The following TSG101 variants were observed in gnomAD, a reference collection of about 807,000 sequenced individuals.
TSG101 encodes tumor susceptibility 101.
TSG101 carries 19 observed loss-of-function variants against 48.5 expected under a neutral mutation model. The ratio of observed to expected loss-of-function variants is 0.39; its 90% confidence interval spans 0.27 to 0.58. The LOEUF (loss-of-function observed/expected upper bound fraction) is 0.58. TSG101 is among the 20% of genes least tolerant of loss of function. TSG101 has a pLI of 0.55. For missense variants in TSG101, 365 were observed against 484.4 expected (o/e 0.75, Z 2.31); for synonymous variants, 174 against 169.4 (o/e 1.03, Z -0.21).
At chr11:18,515,985 T>C in intron 3 of TSG101, 114 bp downstream of exon 3, 1 of 843,484 alleles carries the variant, frequency 1.2e-6, no homozygotes, top group Non-Finnish European at 1.8e-6. Context: ...AGTTAAAATC[T>C]ATATCAGCAT....
Position 18,499,447 on chromosome 11 carries a change from A to G in TSG101, c.640+3039T>C, listed in dbSNP as rs556590825. ...TTTTCCTGAGATGGAGTCCCACTCT[A>G]TTGCCCAGGCTGGAGTATAGTTGTC... On this transcript the variant is annotated intron_variant, in intron 7 of 9. Coordinates refer to ENST00000251968, the MANE Select transcript of TSG101 (RefSeq NM_006292.4). Among the ~76,000 whole-genome samples the G allele has an allele frequency of 1.0e-3, 82 of 78,644 alleles. No homozygotes were observed. In the Middle Eastern group the frequency reaches 0.038, roughly 37 times the overall value. 51.6% of individuals were successfully genotyped at this position (78,644 alleles called of 152,430 possible).
intron 2 of TSG101, among the ~76,000 whole-genome samples, chr11:18,518,002 T>G (rs1486450451): frequency 6.6e-6 from 1 of 152,252 alleles, no homozygotes. Context: ...CAAGACTTTA[T>G]AATGGAGTCT....
intron 3 of TSG101, among the ~76,000 whole-genome samples, chr11:18,515,231 T>C (rs1292778742): frequency 6.6e-6 from 1 of 152,206 alleles, no homozygotes; most frequent in Non-Finnish European, 1.5e-5. Flanking sequence ...CAGAATAGTG[T>C]AAATATCTAT....
intron 1 of TSG101, among the ~76,000 whole-genome samples, chr11:18,523,362 T>C (rs2133935588): frequency 6.6e-6 from 1 of 152,348 alleles, no homozygotes; most frequent in South Asian, 2.1e-4. Context: ...AACGTACTTC[T>C]TGATGTATTT....
At position 18,499,304 on chromosome 11, in the gene TSG101, ATATT is replaced by A. The variant is rs530295255; in HGVS notation, c.640+3178_640+3181del. ...ATATATCATATATATTTATATTTAT[ATATT>A]TATTTATATATATTTATATATTTAT... On this transcript the variant is annotated intron_variant, in intron 7 of 9. Coordinates refer to ENST00000251968, the MANE Select transcript of TSG101 (RefSeq NM_006292.4). Among the ~76,000 whole-genome samples, 622 of 87,036 alleles carry A rather than the reference ATATT, an allele frequency of 7.1e-3. 4 individuals carry two copies. Among genetic ancestry groups the A allele is most frequent in the African/African-American group, 0.017 (487 of 28,582 alleles). The allele number at this position is 87,036 out of a possible 152,430, so 57.1% of individuals were successfully genotyped here.
intron 7 of TSG101, among the ~76,000 whole-genome samples, chr11:18,492,817 A>G (rs1293566426): frequency 6.6e-6 from 1 of 152,128 alleles, no homozygotes; most frequent in Non-Finnish European, 1.5e-5. Flanking sequence ...AAGTAAAAAA[A>G]GAAAAACCCA....
chr11:18,514,880 T>C (rs1462904025), intron 3 of TSG101, 39 bp from the exon 4 acceptor site: 1 of 1,500,174 alleles, frequency 6.7e-7, no homozygotes, highest in South Asian at 1.4e-5. Context: ...TCTATTTTTA[T>C]TATTTTTAAA....
chr11:18,516,221 T>A (rs1449932297), intron 2 of TSG101, 57 bp from the exon 3 acceptor site: 1 of 1,489,838 alleles, frequency 6.7e-7, no homozygotes. Flanking sequence ...CTCCCATAAG[T>A]TATTCTTTCA....
At chr11:18,506,569 A>C (rs374840188) in intron 6 of TSG101, among the ~76,000 whole-genome samples, 1 of 152,100 alleles carries the variant, frequency 6.6e-6, no homozygotes, top group East Asian at 1.9e-4. Context: ...CACAGCCTGT[A>C]GTCCCAACTG....
rs532218738 is a variant in TSG101, at chr11:18,509,702, T to G, written c.358-37A>C. 9 of 1,536,838 alleles carry G rather than the reference T, an allele frequency of 5.9e-6. No individual in the cohort carries two copies. The Admixed American group carries it at 7.8e-5, about 13-fold the overall frequency. On this transcript the variant is annotated intron_variant, in intron 4 of 9. Transcript: ENST00000251968. Reference sequence around the variant, plus strand: ...AAAAAAATTCAAGTCAGCTACAGAGTTGCTTTTCAGTAAAAAGAAAAAGGT... The same window carrying G: ...AAAAAAATTCAAGTCAGCTACAGAGGTGCTTTTCAGTAAAAAGAAAAAGGT...
At chr11:18,516,311 C>T (rs1229926097) in intron 2 of TSG101, 147 bp from the exon 3 acceptor site, 6 of 626,072 alleles carry the variant, frequency 9.6e-6, no homozygotes, top group Admixed American at 2.9e-5. Context: ...CAATAACTAA[C>T]AATTCTTTGT....
At chr11:18,482,972 G>A (rs565982025) in intron 8 of TSG101, among the ~76,000 whole-genome samples, 9 of 152,258 alleles carry the variant, frequency 5.9e-5, no homozygotes, top group African/African-American at 1.9e-4. Flanking sequence ...AGGTTTGGCT[G>A]TGTCCCCACC....
chr11:18,508,935 G>C (rs1850022748), intron 5 of TSG101: 1 of 151,736 alleles, frequency 6.6e-6, no homozygotes, highest in Non-Finnish European at 1.5e-5. Flanking sequence ...CAATTATTCA[G>C]AGTGATTTTT....
At chr11:18,510,296 C>T (rs1035861964) in intron 4 of TSG101, among the ~76,000 whole-genome samples, 2 of 152,022 alleles carry the variant, frequency 1.3e-5, no homozygotes, top group African/African-American at 4.8e-5. Context: ...TGATGTGCGT[C>T]TATGGTCCCA....
chr11:18,512,024 T>C (rs1302472355), intron 4 of TSG101, among the ~76,000 whole-genome samples: 1 of 152,186 alleles, frequency 6.6e-6, no homozygotes, highest in East Asian at 1.9e-4. Context: ...TATCATACCA[T>C]TCCTTTTACA....
chr11:18,481,712 T>G lies in TSG101; in HGVS notation c.1001A>C (p.Glu334Ala). The change falls in exon 9 of 10, where the codon GAA becomes GCA. Residue 334 changes from glutamate to alanine, a missense_variant. Coordinates refer to ENST00000251968, the MANE Select transcript of TSG101 (RefSeq NM_006292.4). Reference protein sequence around the residue: ...LYKQILNLYAEENAIEDTIFY... With the variant: ...LYKQILNLYAAENAIEDTIFY... The stretch of plus-strand genomic sequence containing the variant: ...GATAGTGTCTTCAATAGCGTTTTCT[T>G]CTGCATACAGATTCAGGATCTGTTT... The G allele has an allele frequency of 1.2e-6, 2 of 1,614,192 alleles. No individual in the cohort carries two copies. Among genetic ancestry groups the G allele is most frequent in the Non-Finnish European group, 1.7e-6 (2 of 1,180,022 alleles).
At chr11:18,506,218 T>A (rs1267225366) in intron 6 of TSG101, among the ~76,000 whole-genome samples, 1 of 152,074 alleles carries the variant, frequency 6.6e-6, no homozygotes, top group Admixed American at 6.6e-5. Context: ...GCATTTTTAT[T>A]TTAAAGAGGA....
intron 7 of TSG101, among the ~76,000 whole-genome samples, chr11:18,492,005 A>C (rs1849706138): frequency 6.6e-6 from 1 of 152,250 alleles, no homozygotes; most frequent in Non-Finnish European, 1.5e-5. Flanking sequence ...CTTATACTGT[A>C]CTTAAAAAGT....
Position 18,525,788 on chromosome 11 carries a change from G to A in TSG101, c.42+987C>T, listed in dbSNP as rs1049242315. On this transcript the variant is annotated intron_variant, in intron 1 of 9. Coordinates refer to ENST00000251968, the MANE Select transcript of TSG101 (RefSeq NM_006292.4). ...CAATATATGCTTTATTTTGAAAGCT[G>A]TCATTTTCTCCTTAGAGATTATTTG... is the stretch of plus-strand genomic sequence containing the variant. 9 of 582,154 alleles carry A rather than the reference G, an allele frequency of 1.5e-5. No homozygotes were observed. The South Asian group carries it at 7.0e-4, about 45-fold the overall frequency. The allele number at this position is 582,154 out of a possible 1,614,324, so 36.1% of individuals were successfully genotyped here. A position where few individuals can be genotyped will look rare whatever the true frequency, so the allele number is the denominator to read the frequency against.
Sources: allele counts gnomAD v4.1 joint callset (sites outside exome capture counted in the v4.1 genomes callset), GRCh38; gene constraint gnomAD v4.1.1; transcripts MANE v1.5; gene names NCBI Gene and HGNC (gene_info 2026-07-23, HGNC 2026-07-21).